CAND2: variants seen among roughly 807,000 people sequenced by gnomAD.
CAND2 encodes cullin associated and neddylation dissociated 2 (putative).
Under a neutral mutation model 98.9 loss-of-function variants are expected in CAND2, and 62 were observed. The observed-to-expected ratio is 0.63, with a 90% CI of 0.51 to 0.77. The LOEUF is 0.77. Among genes scored for constraint, CAND2 ranks in the 30% least tolerant of loss-of-function variants. The probability of loss-of-function intolerance (pLI) is 0.00; values close to 1 mark genes in which losing one functional copy is unlikely to be tolerated. For synonymous variants in CAND2, 770 were observed against 731.9 expected, an observed-to-expected ratio of 1.05 and a Z score of -0.84; for missense variants, 1,501 against 1,655.2, an observed-to-expected ratio of 0.91 and a Z score of 1.62.
chr3:12,827,496 G>A lies in CAND2; in HGVS notation c.3267G>A (p.Ala1089=), dbSNP rs372712966. ...ACGATGGGCTGGACGTGCGGAAGGCGGCCTTTGAATGCATGTATTCACTGC... is the reference window on the plus strand; with the variant it reads ...ACGATGGGCTGGACGTGCGGAAGGCAGCCTTTGAATGCATGTATTCACTGC... ...TVDDGLDVRK[A]AFECMYSLLE... is the part of the protein sequence containing the mutation. The change falls in exon 13 of 15, where the codon GCG becomes GCA. Residue 1089 remains alanine, a synonymous_variant. Transcript: ENST00000456430. 4.2e-5 allele frequency: 68 copies of A among 1,614,060 alleles called. No individual in the cohort carries two copies. In the South Asian group the frequency reaches 6.3e-4, roughly 15 times the overall value.
chr3:12,809,101 T>C (rs1160626779), intron 4 of CAND2, among the ~76,000 whole-genome samples: 1 of 151,954 alleles, frequency 6.6e-6, no homozygotes, highest in Non-Finnish European at 1.5e-5. Flanking sequence ...GGAGGGGGAC[T>C]CCACAGGACT....
At position 12,827,552 on chromosome 3, in the gene CAND2, G is replaced by A. The variant is rs997798652; in HGVS notation, c.3323G>A (p.Cys1108Tyr). ...LESCLGQLDI[C>Y]EFLNHVEDGL... The stretch of plus-strand genomic sequence containing the variant: ...AGCTGCCTGGGCCAGCTGGATATCT[G>A]TGAGTTCCTGAACCATGTGGAGGAC... The change falls in exon 13 of 15, where the codon TGT (cysteine) becomes TAT (tyrosine). Residue 1108 changes from cysteine to tyrosine, a missense_variant. Cys to Tyr is a radical substitution (Grantham distance 194). Transcript: ENST00000456430. 3 of 1,614,062 alleles carry A rather than the reference G, an allele frequency of 1.9e-6. No homozygotes were observed. Among genetic ancestry groups the A allele is most frequent in the African/African-American group, 1.3e-5 (1 of 75,036 alleles).
chr3:12,806,444 T>C (rs2061806455), intron 2 of CAND2, among the ~76,000 whole-genome samples: 1 of 152,182 alleles, frequency 6.6e-6, no homozygotes, highest in Admixed American at 6.5e-5. Flanking sequence ...GATGAGACTA[T>C]AGCACCCTGG....
chr3:12,825,723 C>T, intron 12 of CAND2, 84 bp downstream of exon 12: 2 of 1,412,258 alleles, frequency 1.4e-6, no homozygotes, highest in Non-Finnish European at 9.7e-7. Context: ...ATTATCTCAT[C>T]AGAGCAGGTG....
At chr3:12,810,012 G>A in intron 4 of CAND2, 47 bp from the exon 5 acceptor site, 1 of 1,382,526 alleles carries the variant, frequency 7.2e-7, no homozygotes, top group Admixed American at 3.3e-5. Flanking sequence ...CCTGGCCCAG[G>A]TTGCCCGCGG....
rs774335504 is a variant in CAND2, at chr3:12,815,127, T to C, written c.1007-14T>C. On this transcript the variant is annotated splice_polypyrimidine_tract_variant and intron_variant, in intron 7 of 14. Transcript: ENST00000456430. This position sits in a 1 kb window ranked among gnomAD's most constrained non-coding sequence, Gnocchi z 5.7. ...GGAGATGAGGGTTCCACGTGTGTCT[T>C]GTTCCTGCCCCAGAGAGTGAAGACG... is the stretch of plus-strand genomic sequence containing the variant. The C allele has an allele frequency of 1.3e-6, 2 of 1,595,478 alleles. No individual in the cohort carries two copies. The highest frequency in any genetic ancestry group is 1.7e-6 in the Non-Finnish European group (2 of 1,167,796).
intron 1 of CAND2, among the ~76,000 whole-genome samples, chr3:12,802,002 C>G (rs772840029): frequency 6.6e-6 from 1 of 152,210 alleles, no homozygotes; most frequent in African/African-American, 2.4e-5. Context: ...GCCTCTAGCT[C>G]TGACTTGGAC....
In CAND2 at chr3:12,796,745, T is replaced by C; in HGVS notation, c.25T>C (p.Ser9Pro). The C allele has an allele frequency of 6.3e-7, 1 of 1,589,148 alleles. No individual in the cohort carries two copies. The highest frequency in any genetic ancestry group is 8.6e-7 in the Non-Finnish European group (1 of 1,167,946). Residue 9 changes from serine to proline, a missense_variant, in exon 1 of 15, where the codon TCC becomes CCC. This residue lies in a region of CAND2 where 62 missense variants were observed against 77.3 expected (regional missense o/e 0.80). Coordinates refer to ENST00000456430, the MANE Select transcript of CAND2 (RefSeq NM_001162499.2). MSTAAFHI[S>P]SLLEKMTSSD... ...CATGAGCACCGCCGCCTTCCACATC[T>C]CCAGCCTCCTGGAGAAGATGACGTC...
In CAND2 at chr3:12,808,259, C is replaced by G; in HGVS notation, c.417C>G (p.Thr139=). Residue 139 remains threonine (T), a synonymous_variant, in exon 4 of 15, where the codon ACC becomes ACG. Coordinates refer to ENST00000456430, the MANE Select transcript of CAND2 (RefSeq NM_001162499.2). ...NVCRKITGQL[T]SAIAQQEDVA... ...GCCGGAAGATCACAGGCCAGCTCAC[C>G]AGTGCCATTGCCCAGCAGGAGGATG... is the stretch of plus-strand genomic sequence containing the variant. The G allele has an allele frequency of 6.4e-7, 1 of 1,551,420 alleles. No homozygotes were observed. The highest frequency in any genetic ancestry group is 8.7e-7 in the Non-Finnish European group (1 of 1,146,988).
In CAND2 at chr3:12,796,748, A is replaced by C; in HGVS notation, c.28A>C (p.Ser10Arg). 6.3e-7 allele frequency: 1 copy of C among 1,589,494 alleles called. No homozygotes were observed. The highest frequency in any genetic ancestry group is 8.6e-7 in the Non-Finnish European group (1 of 1,168,030). The change falls in exon 1 of 15, where the codon AGC becomes CGC. Residue 10 changes from serine (S) to arginine (R), a missense_variant. Physicochemically the swap from Ser to Arg is moderately radical, Grantham distance 110. This residue lies in a region of CAND2 where 62 missense variants were observed against 77.3 expected (regional missense o/e 0.80). Coordinates refer to ENST00000456430, the MANE Select transcript of CAND2 (RefSeq NM_001162499.2). MSTAAFHIS[S>R]LLEKMTSSDK... ...GAGCACCGCCGCCTTCCACATCTCC[A>C]GCCTCCTGGAGAAGATGACGTCCAG...
intron 13 of CAND2, among the ~76,000 whole-genome samples, chr3:12,827,831 A>AT (rs1411526462): frequency 6.6e-6 from 1 of 152,130 alleles, no homozygotes; most frequent in East Asian, 1.9e-4. Context: ...CAGAAAAAAA[A>AT]AATTGTCCAG....
intron 11 of CAND2, among the ~76,000 whole-genome samples, chr3:12,820,670 A>G (rs2061950714): frequency 6.6e-6 from 1 of 152,200 alleles, no homozygotes; most frequent in South Asian, 2.1e-4. Context: ...GAGGAGCCCA[A>G]GCAGCCTTCA....
intron 13 of CAND2, 67 bp from the exon 14 acceptor site, chr3:12,831,398 C>T (rs2062052662): frequency 7.5e-7 from 1 of 1,331,956 alleles, no homozygotes; most frequent in Non-Finnish European, 1.1e-6. Context: ...TCTGCTCTTT[C>T]CCAGGGCTGG....
Position 12,807,471 on chromosome 3 carries a change from C to T in CAND2, c.367+11C>T. ...CTCCTGCAGCCACAGGTACCCAGGT[C>T]CCCAGGACTAGGTACTGTTAGTATT... On this transcript the variant is annotated intron_variant, in intron 3 of 14. Transcript: ENST00000456430. 1 of 1,550,548 alleles carries T rather than the reference C, an allele frequency of 6.4e-7. No individual in the cohort carries two copies. The highest frequency in any genetic ancestry group is 8.7e-7 in the Non-Finnish European group (1 of 1,146,340).
chr3:12,817,596 G>A lies in CAND2; in HGVS notation c.2664G>A (p.Val888=). 1 of 1,613,870 alleles carries A rather than the reference G, an allele frequency of 6.2e-7. No homozygotes were observed. Among genetic ancestry groups the A allele is most frequent in the Non-Finnish European group, 8.5e-7 (1 of 1,180,010 alleles). The part of the protein sequence containing the change: ...RAAASYALGR[V]GAGSLPDFLP... The stretch of plus-strand genomic sequence containing the variant: ...CAGCCTCGTATGCACTGGGCCGTGT[G>A]GGTGCTGGCAGCCTGCCCGACTTCC... The change falls in exon 10 of 15, where the codon GTG becomes GTA. Residue 888 remains valine (V), a synonymous_variant. Coordinates refer to ENST00000456430, the MANE Select transcript of CAND2 (RefSeq NM_001162499.2).
At chr3:12,806,141 G>C (rs544266746) in intron 2 of CAND2, among the ~76,000 whole-genome samples, 27 of 152,250 alleles carry the variant, frequency 1.8e-4, no homozygotes, top group African/African-American at 5.5e-4. Context: ...AGACCAGCCT[G>C]GGCAACATAG....
intron 1 of CAND2, among the ~76,000 whole-genome samples, chr3:12,801,523 G>A (rs2061767117): frequency 6.6e-6 from 1 of 152,174 alleles, no homozygotes; most frequent in Non-Finnish European, 1.5e-5. Context: ...TGGAAAGTTG[G>A]CCCCAGCCTC....
Position 12,817,155 on chromosome 3 carries a change from G to A in CAND2, c.2223G>A (p.Leu741=). 6.2e-7 allele frequency: 1 copy of A among 1,612,750 alleles called. No individual in the cohort carries two copies. The highest frequency in any genetic ancestry group is 8.5e-7 in the Non-Finnish European group (1 of 1,179,932). ...EVSGPVLSEL[L]RLLRSPLLPA... Reference sequence around the variant, plus strand: ...GTGGCCCTGTGCTCTCAGAGCTGCTGCGGCTGCTGCGTTCGCCCCTGTTGC... The same window carrying A: ...GTGGCCCTGTGCTCTCAGAGCTGCTACGGCTGCTGCGTTCGCCCCTGTTGC... Residue 741 remains leucine, a synonymous_variant, in exon 10 of 15, where the codon CTG becomes CTA. Coordinates refer to ENST00000456430, the MANE Select transcript of CAND2 (RefSeq NM_001162499.2).
rs781451160 is a variant in CAND2 at position 12,827,489 on chromosome 3, G to A, written c.3260G>A (p.Arg1087Gln). 6.8e-6 allele frequency: 11 copies of A among 1,614,074 alleles called. No individual in the cohort carries two copies. The highest frequency in any genetic ancestry group is 2.2e-5 in the South Asian group (2 of 91,074). Residue 1087 changes from arginine to glutamine, a missense_variant, in exon 13 of 15, where the codon CGG becomes CAG. Physicochemically the swap from Arg to Gln is conservative, Grantham distance 43. Around this residue, in one of 3 missense-constraint regions of CAND2, gnomAD observed 1,427 missense variants for 1,545.3 expected, o/e 0.92. Coordinates refer to ENST00000456430, the MANE Select transcript of CAND2 (RefSeq NM_001162499.2). Reference sequence around the variant, plus strand: ...ACAGTGGACGATGGGCTGGACGTGCGGAAGGCGGCCTTTGAATGCATGTAT... The same window carrying A: ...ACAGTGGACGATGGGCTGGACGTGCAGAAGGCGGCCTTTGAATGCATGTAT... ...KHTVDDGLDVRKAAFECMYSL... is the reference protein window; with the variant it reads ...KHTVDDGLDVQKAAFECMYSL...
Sources: allele counts gnomAD v4.1 joint callset (sites outside exome capture counted in the v4.1 genomes callset), GRCh38; gene constraint gnomAD v4.1.1; regional missense constraint gnomAD v4.1.1; non-coding constraint Gnocchi (gnomAD v3.1); transcripts MANE v1.5; gene names NCBI Gene and HGNC (gene_info 2026-07-23, HGNC 2026-07-21).